The following FAM240B variants were observed in gnomAD, a reference collection of about 807,000 sequenced individuals.
FAM240B encodes the protein family with sequence similarity 240 member B.
chr9:38,719,122 TTCACCTTCAAATG>T (rs1039226781), intron 1 of FAM240B, among the ~76,000 whole-genome samples: 1 of 152,090 alleles, frequency 6.6e-6, no homozygotes, highest in Non-Finnish European at 1.5e-5. Context: ...TTTCAGTTTT[TTCACCTTCAAATG>T]AGGGTATCTA....
At chr9:38,719,754 C>T (rs78966621) in intron 1 of FAM240B, among the ~76,000 whole-genome samples, 10 of 152,176 alleles carry the variant, frequency 6.6e-5, no homozygotes, top group Admixed American at 3.9e-4. Context: ...GAGATTTACC[C>T]GAATTTCTTG....
At chr9:38,696,810 T>C (rs1462090355) in intron 2 of FAM240B, among the ~76,000 whole-genome samples, 1 of 152,176 alleles carries the variant, frequency 6.6e-6, no homozygotes, top group Non-Finnish European at 1.5e-5. Flanking sequence ...GGAGACACCG[T>C]CTCAAAAATT....
intron 1 of FAM240B, among the ~76,000 whole-genome samples, chr9:38,713,698 T>G (rs1821281970): frequency 6.6e-6 from 1 of 152,004 alleles, no homozygotes; most frequent in Admixed American, 6.6e-5. Context: ...ACTGAAGCAT[T>G]TAGAGGGGAA....
intron 2 of FAM240B, among the ~76,000 whole-genome samples, chr9:38,701,155 A>G (rs1472531189): frequency 6.6e-6 from 1 of 151,976 alleles, no homozygotes; most frequent in Non-Finnish European, 1.5e-5. Flanking sequence ...TCTGTGTGTT[A>G]CGTGTGTGTG....
chr9:38,713,522 T>C (rs891269330), intron 1 of FAM240B, among the ~76,000 whole-genome samples: 1 of 140,830 alleles, frequency 7.1e-6, no homozygotes, highest in Admixed American at 7.0e-5. Context: ...GATTTCATCA[T>C]CTGTTCAAGA....
chr9:38,714,430 A>G (rs932825507), intron 1 of FAM240B, among the ~76,000 whole-genome samples: 2 of 152,230 alleles, frequency 1.3e-5, no homozygotes, highest in African/African-American at 4.8e-5. Flanking sequence ...ACATACGATC[A>G]CAAATTGTCT....
intron 2 of FAM240B, among the ~76,000 whole-genome samples, chr9:38,695,411 G>C (rs1351611744): frequency 6.6e-6 from 1 of 152,190 alleles, no homozygotes; most frequent in Admixed American, 6.5e-5. Flanking sequence ...TGCAGTTCCA[G>C]CTACTGGGGA....
At chr9:38,717,681 A>G (rs1167840707) in intron 1 of FAM240B, among the ~76,000 whole-genome samples, 4 of 151,108 alleles carry the variant, frequency 2.6e-5, no homozygotes, top group African/African-American at 4.9e-5. Flanking sequence ...ACGGGGTTTC[A>G]CCGTGTTAGC....
At chr9:38,715,701 C>T (rs1821297214) in intron 1 of FAM240B, among the ~76,000 whole-genome samples, 1 of 152,220 alleles carries the variant, frequency 6.6e-6, no homozygotes, top group South Asian at 2.1e-4. Flanking sequence ...CATTTCAAAG[C>T]TCTGTGCAGA....
intron 1 of FAM240B, among the ~76,000 whole-genome samples, chr9:38,714,615 TTGATGTGACA>T (rs1350049121): frequency 6.6e-6 from 1 of 152,314 alleles, no homozygotes. Context: ...CATGTGTCCC[TTGATGTGACA>T]TGATGTGACA....
intron 1 of FAM240B, among the ~76,000 whole-genome samples, chr9:38,707,112 A>T (rs1821199277): frequency 6.6e-6 from 1 of 152,246 alleles, no homozygotes. Context: ...ATATTTTCAC[A>T]GATTTTTTTA....
chr9:38,695,692 G>C (rs1273096921), intron 2 of FAM240B, among the ~76,000 whole-genome samples: 4 of 152,184 alleles, frequency 2.6e-5, no homozygotes, highest in African/African-American at 9.7e-5. Flanking sequence ...AGAATTTTCT[G>C]TAGCTATCAA....
intron 1 of FAM240B, among the ~76,000 whole-genome samples, chr9:38,709,197 C>G (rs1160663085): frequency 2.0e-5 from 3 of 152,130 alleles, no homozygotes; most frequent in Non-Finnish European, 2.9e-5. Context: ...CTGAAAACTG[C>G]TGGTGAATCT....
chr9:38,699,771 C>T (rs1368441077), intron 2 of FAM240B, among the ~76,000 whole-genome samples: 1 of 152,224 alleles, frequency 6.6e-6, no homozygotes, highest in African/African-American at 2.4e-5. Flanking sequence ...TGGGGCACTT[C>T]TGTGGCTACC....
chr9:38,706,498 G>T (rs1315487953), intron 1 of FAM240B, among the ~76,000 whole-genome samples: 1 of 152,168 alleles, frequency 6.6e-6, no homozygotes, highest in African/African-American at 2.4e-5. Context: ...GTCGTATTTT[G>T]TTTTTAATAC....
intron 2 of FAM240B, among the ~76,000 whole-genome samples, chr9:38,696,952 C>T (rs1821076860): frequency 6.6e-6 from 1 of 152,212 alleles, no homozygotes; most frequent in Admixed American, 6.5e-5. Flanking sequence ...TAATCCACCT[C>T]TCCAACCTGG....
chr9:38,695,733 CA>C (rs1378554835), intron 2 of FAM240B, among the ~76,000 whole-genome samples: 2 of 152,094 alleles, frequency 1.3e-5, no homozygotes, highest in Admixed American at 1.3e-4. Flanking sequence ...TATGGAAAGG[CA>C]AAAGTAGATT....
At chr9:38,708,857 A>G (rs1488556781) in intron 1 of FAM240B, among the ~76,000 whole-genome samples, 1 of 152,186 alleles carries the variant, frequency 6.6e-6, no homozygotes, top group African/African-American at 2.4e-5. Context: ...CTCAGCTCAT[A>G]TTGAAGGCTT....
intron 2 of FAM240B, among the ~76,000 whole-genome samples, chr9:38,701,775 G>A (rs183789629): frequency 1.3e-5 from 2 of 152,294 alleles, no homozygotes; most frequent in Admixed American, 1.3e-4. Flanking sequence ...GTCATTTCTA[G>A]GGAACATGGG....
Sources: gnomAD v4.1 joint callset for allele counts (sites outside exome capture counted in the v4.1 genomes callset) on GRCh38, gnomAD v4.1.1 for gene constraint, MANE v1.5 for transcripts, NCBI Gene and HGNC (gene_info 2026-07-23, HGNC 2026-07-21) for gene names.